WWP2: variants seen among roughly 807,000 people sequenced by gnomAD.
WWP2 encodes the protein WW domain containing E3 ubiquitin protein ligase 2, also known as NEDD4-like E3 ubiquitin-protein ligase WWP2.
WWP2 carries 57 observed loss-of-function variants against 121.0 expected under a neutral mutation model. The observed-to-expected ratio is 0.47, with a 90% CI of 0.38 to 0.59. The LOEUF is 0.59. Among genes scored for constraint, WWP2 ranks in the 20% least tolerant of loss-of-function variants. WWP2 has a pLI of 0.00. For missense variants in WWP2, 962 were observed against 1,158.9 expected (o/e 0.83, Z 2.47); for synonymous variants, 449 against 441.3 (o/e 1.02, Z -0.22).
chr16:69,806,298 T>C (rs1396815003), intron 4 of WWP2, among the ~76,000 whole-genome samples: 1 of 152,264 alleles, frequency 6.6e-6, no homozygotes, highest in Non-Finnish European at 1.5e-5. Context: ...GACTATTCCT[T>C]GAAAATTTTG....
intron 8 of WWP2, among the ~76,000 whole-genome samples, chr16:69,897,228 G>A (rs1434906918): frequency 3.3e-5 from 5 of 151,908 alleles, no homozygotes; most frequent in African/African-American, 7.3e-5. Flanking sequence ...TCAGCCTCTC[G>A]AGTACCTGAG....
Position 69,799,046 on chromosome 16 carries a change from GAT to G in WWP2, c.219-123_219-122del. On this transcript the variant is annotated intron_variant, in intron 3 of 23. Coordinates refer to ENST00000359154, the MANE Select transcript of WWP2 (RefSeq NM_001270454.2). This position sits in a 1 kb window ranked among gnomAD's most constrained non-coding sequence, Gnocchi z 4.5. ...CAGGGTCAGCTTTGAGAGGGGAAAG[GAT>G]ATATGTGGGTGTCTGCCTGTTTTGG... 7.0e-7 allele frequency: 1 copy of G among 1,429,146 alleles called. No homozygotes were observed. The highest frequency in any genetic ancestry group is 9.5e-7 in the Non-Finnish European group (1 of 1,054,588). The allele number at this position is 1,429,146 out of a possible 1,614,324, so 88.5% of individuals were successfully genotyped here. A position where few individuals can be genotyped will look rare whatever the true frequency, so the allele number is the denominator to read the frequency against.
chr16:69,768,090 GCC>G (rs2038771164), intron 1 of WWP2, among the ~76,000 whole-genome samples: 1 of 152,136 alleles, frequency 6.6e-6, no homozygotes, highest in Non-Finnish European at 1.5e-5. Flanking sequence ...TCCTGCCTCA[GCC>G]TCCCAAAGTG....
At chr16:69,821,724 C>CT (rs557543615) in intron 4 of WWP2, among the ~76,000 whole-genome samples, 5,797 of 130,724 alleles carry the variant, frequency 0.044, 157 homozygotes, top group African/African-American at 0.061. Flanking sequence ...TTCTTTCTTA[C>CT]TTTTTTTTTT....
At position 69,936,368 on chromosome 16, in the gene WWP2, T is replaced by C. The variant is rs753243617; in HGVS notation, c.2033T>C (p.Ile678Thr). ...LELYFIQDME[I>T]LGKVTTHELK... is the part of the protein sequence containing the mutation. ...CTGTACTTCATCCAGGACATGGAGA[T>C]ACTGGGCAAGGTGACGACCCACGAG... is the stretch of plus-strand genomic sequence containing the variant. The change falls in exon 19 of 24, where the codon ATA becomes ACA. Residue 678 changes from isoleucine (I) to threonine (T), a missense_variant. Physicochemically the swap from Ile to Thr is moderately conservative, Grantham distance 89. Around this residue, in one of 3 missense-constraint regions of WWP2, gnomAD observed 606 missense variants for 772.6 expected, o/e 0.78. Coordinates refer to ENST00000359154, the MANE Select transcript of WWP2 (RefSeq NM_001270454.2). 2 of 1,613,976 alleles carry C rather than the reference T, an allele frequency of 1.2e-6. No homozygotes were observed. The highest frequency in any genetic ancestry group is 1.7e-6 in the Non-Finnish European group (2 of 1,179,998).
chr16:69,901,533 CT>C (rs1597133486), intron 8 of WWP2, among the ~76,000 whole-genome samples: 1 of 152,140 alleles, frequency 6.6e-6, no homozygotes, highest in East Asian at 1.9e-4. Flanking sequence ...CTGCTTCAGC[CT>C]CCCGAGTAGC....
In WWP2 at chr16:69,909,046, C is replaced by T. The variant is rs185084317; in HGVS notation, c.1004+196C>T. 257 of 1,360,116 alleles carry T rather than the reference C, an allele frequency of 1.9e-4. 1 individual carries two copies. The East Asian group carries it at 6.3e-3, about 33-fold the overall frequency. The allele number at this position is 1,360,116 out of a possible 1,614,324, so 84.3% of individuals were successfully genotyped here. A position where few individuals can be genotyped will look rare whatever the true frequency, so the allele number is the denominator to read the frequency against. On this transcript the variant is annotated intron_variant, in intron 9 of 23. Transcript: ENST00000359154. ...GGACATATTAGAATTATTAGAAGAT[C>T]TCTGGGAAACAAAAGGCGCATGGGA... is the stretch of plus-strand genomic sequence containing the variant.
intron 6 of WWP2, 139 bp from the exon 7 acceptor site, chr16:69,871,665 A>T: frequency 8.0e-7 from 1 of 1,247,716 alleles, no homozygotes; most frequent in Non-Finnish European, 1.1e-6. Flanking sequence ...GCTTCTGTTT[A>T]GTCCAAAACT....
Position 69,939,946 on chromosome 16 carries a change from GC to G in WWP2, c.*8del, listed in dbSNP as rs2058857467. 9 of 1,611,644 alleles carry G rather than the reference GC, an allele frequency of 5.6e-6. No individual in the cohort carries two copies. Among genetic ancestry groups the G allele is most frequent in the Non-Finnish European group, 6.8e-6 (8 of 1,178,918 alleles). On this transcript the variant is annotated 3_prime_UTR_variant, in exon 24 of 24. Transcript: ENST00000359154. ...AGGGCTTTGGACAGGAGTAACCGAG[GC>G]CGCCCCTCCCACGCCCCCCAGCGCA...
chr16:69,916,247 T>C (rs1164381730), intron 9 of WWP2, among the ~76,000 whole-genome samples: 1 of 152,128 alleles, frequency 6.6e-6, no homozygotes, highest in African/African-American at 2.4e-5. Context: ...CAGGCTGGAA[T>C]GTAGCAGCAT....
At chr16:69,914,126 A>T (rs548061632) in intron 9 of WWP2, among the ~76,000 whole-genome samples, 1 of 151,450 alleles carries the variant, frequency 6.6e-6, no homozygotes, top group South Asian at 2.1e-4. Flanking sequence ...GGAGATAAGA[A>T]GATGAGAAGA....
At chr16:69,781,758 T>A (rs2055669216) in intron 1 of WWP2, among the ~76,000 whole-genome samples, 3 of 152,132 alleles carry the variant, frequency 2.0e-5, no homozygotes. Context: ...TTATTCTTTG[T>A]ATTTGAGTCT....
intron 4 of WWP2, among the ~76,000 whole-genome samples, chr16:69,827,154 G>GA (rs71151140): frequency 0.33 from 47,195 of 142,002 alleles, 9,061 homozygotes; most frequent in Non-Finnish European, 0.44. Flanking sequence ...TGGAAATTAT[G>GA]AAAAAAAAAA....
chr16:69,931,413 T>C, intron 14 of WWP2, 96 bp from the exon 15 acceptor site: 2 of 1,553,510 alleles, frequency 1.3e-6, no homozygotes, highest in East Asian at 2.2e-5. Flanking sequence ...TATTGCCTCC[T>C]GGCCCAGCAG....
intron 6 of WWP2, among the ~76,000 whole-genome samples, chr16:69,845,456 T>A (rs1244167785): frequency 6.6e-6 from 1 of 152,152 alleles, no homozygotes; most frequent in Non-Finnish European, 1.5e-5. Flanking sequence ...GCCTGCTGTC[T>A]CCCAGACTAA....
At chr16:69,778,190 A>ATTTT (rs1343790913) in intron 1 of WWP2, among the ~76,000 whole-genome samples, 32 of 103,804 alleles carry the variant, frequency 3.1e-4, no homozygotes, top group African/African-American at 1.1e-3. Flanking sequence ...ATATATATAT[A>ATTTT]TATTTTTTTT....
intron 7 of WWP2, among the ~76,000 whole-genome samples, chr16:69,887,008 T>A (rs1438276097): frequency 2.0e-5 from 3 of 152,224 alleles, no homozygotes; most frequent in Admixed American, 2.0e-4. Context: ...GCATATAGCT[T>A]ATCACTTCCA....
intron 6 of WWP2, among the ~76,000 whole-genome samples, chr16:69,866,958 C>T (rs1314193095): frequency 2.0e-5 from 3 of 152,066 alleles, no homozygotes; most frequent in Non-Finnish European, 4.4e-5. Context: ...CTGCCTCAGG[C>T]TCCTGAGTAG....
chr16:69,763,588 G>T (rs1469279307), intron 1 of WWP2, among the ~76,000 whole-genome samples: 2 of 152,188 alleles, frequency 1.3e-5, no homozygotes, highest in African/African-American at 4.8e-5. Flanking sequence ...ATTAGTTTTT[G>T]CAGCAGCGCC....
Sources: gnomAD v4.1 joint callset for allele counts (sites outside exome capture counted in the v4.1 genomes callset) on GRCh38, gnomAD v4.1.1 for gene constraint, gnomAD v4.1.1 regional missense constraint, Gnocchi (gnomAD v3.1) non-coding constraint, MANE v1.5 for transcripts, NCBI Gene and HGNC (gene_info 2026-07-23, HGNC 2026-07-21) for gene names.